The following ALG6 variants were observed in gnomAD, a reference collection of about 807,000 sequenced individuals.
ALG6 encodes the protein ALG6 alpha-1,3-glucosyltransferase.
In ALG6, 46 loss-of-function variants were observed where a neutral mutation model predicts 66.6. That is an observed-to-expected ratio of 0.69 (90% CI 0.55 to 0.88). The LOEUF (loss-of-function observed/expected upper bound fraction) is 0.88. ALG6 is among the 40% of genes least tolerant of loss of function. The pLI is 0.00. For missense variants in ALG6, 505 were observed against 586.8 expected, an observed-to-expected ratio of 0.86 and a Z score of 1.44; for synonymous variants, 185 against 203.7, an observed-to-expected ratio of 0.91 and a Z score of 0.78.
chr1:63,424,161 G>A (rs2100435604), intron 12 of ALG6, among the ~76,000 whole-genome samples: 1 of 151,414 alleles, frequency 6.6e-6, no homozygotes, highest in East Asian at 1.9e-4. Context: ...TTTTTTTTGA[G>A]ACGGAGTCTC....
intron 10 of ALG6, among the ~76,000 whole-genome samples, chr1:63,414,981 TC>T (rs1644537896): frequency 6.6e-6 from 1 of 152,178 alleles, no homozygotes; most frequent in Admixed American, 6.5e-5. Flanking sequence ...CAGGACAAGA[TC>T]CCTTTTGATT....
At chr1:63,427,204 G>A (rs9436230) in intron 12 of ALG6, among the ~76,000 whole-genome samples, 3,201 of 147,530 alleles carry the variant, frequency 0.022, 136 homozygotes, top group African/African-American at 0.076. Flanking sequence ...TAGTAGAGAC[G>A]GGGTTTCACC....
intron 14 of ALG6, among the ~76,000 whole-genome samples, chr1:63,431,202 T>C (rs1644643541): frequency 6.6e-6 from 1 of 152,226 alleles, no homozygotes. Context: ...ATGTCTATCC[T>C]TATGCCACTG....
rs759063734 is a variant in ALG6, at chr1:63,407,046, A to G, written c.430-16A>G. On this transcript the variant is annotated splice_polypyrimidine_tract_variant and intron_variant, in intron 6 of 14. Transcript: ENST00000263440. ...TAACAGATTACTTTCTTATCTCACA[A>G]TATTTGTCTTTACAGATTGCTAATG... is the stretch of plus-strand genomic sequence containing the variant. 1.9e-6 allele frequency: 3 copies of G among 1,593,218 alleles called. No homozygotes were observed. In the Admixed American group the frequency reaches 5.0e-5, roughly 27 times the overall value.
intron 2 of ALG6, among the ~76,000 whole-genome samples, chr1:63,373,710 G>C (rs553685748): frequency 6.8e-6 from 1 of 146,534 alleles, no homozygotes; most frequent in Non-Finnish European, 1.5e-5. Flanking sequence ...GCCCAGGCTG[G>C]AGTGCAGTGG....
At chr1:63,418,700 A>T (rs1644557326) in intron 11 of ALG6, among the ~76,000 whole-genome samples, 1 of 152,158 alleles carries the variant, frequency 6.6e-6, no homozygotes, top group Non-Finnish European at 1.5e-5. Context: ...TACTACAAAG[A>T]TGGAGGGTGG....
At chr1:63,381,019 A>G (rs368521153) in intron 2 of ALG6, among the ~76,000 whole-genome samples, 2 of 152,276 alleles carry the variant, frequency 1.3e-5, no homozygotes, top group East Asian at 3.9e-4. Context: ...TAAATATGCT[A>G]AACATTAAGA....
intron 14 of ALG6, among the ~76,000 whole-genome samples, chr1:63,435,054 A>G (rs1161881737): frequency 3.3e-5 from 5 of 152,204 alleles, no homozygotes; most frequent in Non-Finnish European, 7.4e-5. Context: ...ACTACACTGG[A>G]GGTCATTATG....
At chr1:63,385,184 CTTTTTTTTTT>C (rs1165046824) in intron 2 of ALG6, among the ~76,000 whole-genome samples, 2 of 58,956 alleles carry the variant, frequency 3.4e-5, no homozygotes, top group Non-Finnish European at 6.5e-5. Flanking sequence ...TTTACTTCTT[CTTTTTTTTTT>C]TTTTTTTTTT....
At chr1:63,380,202 T>C (rs1422614499) in intron 2 of ALG6, among the ~76,000 whole-genome samples, 4 of 152,140 alleles carry the variant, frequency 2.6e-5, no homozygotes, top group African/African-American at 7.2e-5. Flanking sequence ...TGTCAAGCTA[T>C]AGACATGTCA....
chr1:63,385,705 A>G (rs1296608602), intron 2 of ALG6, among the ~76,000 whole-genome samples: 1 of 152,176 alleles, frequency 6.6e-6, no homozygotes, highest in Non-Finnish European at 1.5e-5. Flanking sequence ...TTACAGTTCT[A>G]ATAGTTTTTT....
At chr1:63,425,115 T>C (rs1001521852) in intron 12 of ALG6, among the ~76,000 whole-genome samples, 6 of 152,140 alleles carry the variant, frequency 3.9e-5, no homozygotes, top group African/African-American at 1.4e-4. Flanking sequence ...GGTAGACTGT[T>C]CTTCAGAGGA....
chr1:63,385,709 G>GT (rs925573930), intron 2 of ALG6, among the ~76,000 whole-genome samples: 6 of 152,238 alleles, frequency 3.9e-5, no homozygotes, highest in Middle Eastern at 3.4e-3. Flanking sequence ...AGTTCTAATA[G>GT]TTTTTTTATG....
chr1:63,419,879 T>C (rs542269227), intron 12 of ALG6, among the ~76,000 whole-genome samples: 10 of 152,354 alleles, frequency 6.6e-5, no homozygotes, highest in African/African-American at 2.2e-4. Context: ...TTAGGCCCTA[T>C]TGGCAATCTG....
intron 12 of ALG6, among the ~76,000 whole-genome samples, chr1:63,422,182 T>TTATATAG (rs1644579553): frequency 1.0e-4 from 9 of 86,664 alleles, no homozygotes; most frequent in African/African-American, 2.5e-4. Flanking sequence ...AATTTATATT[T>TTATATAG]ATATAAATAT....
At chr1:63,419,088 G>A (rs1644560387) in intron 11 of ALG6, among the ~76,000 whole-genome samples, 2 of 152,126 alleles carry the variant, frequency 1.3e-5, no homozygotes, top group African/African-American at 4.8e-5. Context: ...ATGTATGATT[G>A]TTGTGTCTGA....
chr1:63,413,391 A>T (rs1299709862), intron 9 of ALG6, among the ~76,000 whole-genome samples: 2 of 152,220 alleles, frequency 1.3e-5, no homozygotes, highest in Non-Finnish European at 1.5e-5. Flanking sequence ...AGTCTCTTCC[A>T]TTCACTTCTT....
At chr1:63,373,687 G>T (rs1386770702) in intron 2 of ALG6, among the ~76,000 whole-genome samples, 1 of 141,304 alleles carries the variant, frequency 7.1e-6, no homozygotes, top group Non-Finnish European at 1.5e-5. Context: ...TTGAGACAGG[G>T]TCTCCCCCTG....
At chr1:63,422,182 T>C (rs1418169826) in intron 12 of ALG6, among the ~76,000 whole-genome samples, 8 of 86,666 alleles carry the variant, frequency 9.2e-5, no homozygotes, top group Non-Finnish European at 4.2e-5. Context: ...AATTTATATT[T>C]ATATAAATAT....
Sources: gnomAD v4.1 joint callset for allele counts (sites outside exome capture counted in the v4.1 genomes callset) on GRCh38, gnomAD v4.1.1 for gene constraint, MANE v1.5 for transcripts, NCBI Gene and HGNC (gene_info 2026-07-23, HGNC 2026-07-21) for gene names.